PCDHGA1: variants seen among roughly 807,000 people sequenced by gnomAD.
PCDHGA1 encodes protocadherin gamma subfamily A, 1.
In PCDHGA1, 32 loss-of-function variants were observed where a neutral mutation model predicts 58.0. The observed-to-expected ratio is 0.55, with a 90% CI of 0.42 to 0.74. The LOEUF is 0.74. PCDHGA1 is among the 30% of genes least tolerant of loss of function. The pLI is 0.00. For missense variants in PCDHGA1, 1,205 were observed against 1,182.3 expected, an observed-to-expected ratio of 1.02 and a Z score of -0.28; for synonymous variants, 498 against 501.1, an observed-to-expected ratio of 0.99 and a Z score of 0.08.
chr5:141,343,636 G>A (rs1443446238), intron 1 of PCDHGA1, among the ~76,000 whole-genome samples: 1 of 152,202 alleles, frequency 6.6e-6, no homozygotes, highest in Non-Finnish European at 1.5e-5. Context: ...GATAACTTGA[G>A]GTGACACTGT....
intron 1 of PCDHGA1, chr5:141,383,184 C>A: frequency 6.2e-7 from 1 of 1,614,082 alleles, no homozygotes; most frequent in East Asian, 2.2e-5. Context: ...GGGAAGAGAT[C>A]TGCGCTCAGA....
chr5:141,508,045 T>A (rs985875804), intron 3 of PCDHGA1: 1 of 152,264 alleles, frequency 6.6e-6, no homozygotes, highest in Non-Finnish European at 1.5e-5. Flanking sequence ...GCCAGCTGTG[T>A]TCCAGCTAAT....
chr5:141,367,417 G>A (rs1389870101), intron 1 of PCDHGA1: 5 of 152,198 alleles, frequency 3.3e-5, no homozygotes, highest in Non-Finnish European at 7.3e-5. Context: ...GGCGCCTGTA[G>A]TCCCAGCTAC....
chr5:141,498,103 G>C (rs2099781622), intron 2 of PCDHGA1, among the ~76,000 whole-genome samples: 1 of 152,216 alleles, frequency 6.6e-6, no homozygotes. Context: ...GGTGGTGTGG[G>C]CGTATAATAG....
rs1422052114 is a variant in PCDHGA1, at chr5:141,511,168, A to T, written c.2791A>T (p.Lys931Ter). The change falls in exon 4 of 4, where the codon AAG (lysine) becomes TAG (stop). Residue 931 changes from lysine to a stop codon, truncating the protein, a stop_gained. Coordinates refer to ENST00000517417, the MANE Select transcript of PCDHGA1 (RefSeq NM_018912.3). LOFTEE classifies it high-confidence loss of function. ...GAAGAAGTCGGGCAAGAAGGAGAAG[A>T]AGTAACATGGAGGCCAGGCCAAGAG... is the stretch of plus-strand genomic sequence containing the variant. The part of the protein sequence containing the change: ...NKKKSGKKEK[K>*] 1.4e-5 allele frequency: 22 copies of T among 1,614,038 alleles called. No individual in the cohort carries two copies. The highest frequency in any genetic ancestry group is 1.7e-5 in the Non-Finnish European group (20 of 1,180,008).
chr5:141,486,714 C>G lies in PCDHGA1; in HGVS notation c.2422-8093C>G. On this transcript the variant is annotated intron_variant, in intron 1 of 3. Transcript: ENST00000517417. This position sits in a 1 kb window ranked among gnomAD's most constrained non-coding sequence, Gnocchi z 5.0. ...TCTTTCATCTCTCTGAACCCCCAGA[C>G]AGGAGCTGTTCATGCTACTCGATCC... 1.2e-6 allele frequency: 2 copies of G among 1,614,216 alleles called. No individual in the cohort carries two copies. Among genetic ancestry groups the G allele is most frequent in the African/African-American group, 1.3e-5 (1 of 75,062 alleles).
At chr5:141,422,639 C>G (rs777330051) in intron 1 of PCDHGA1, 1 of 1,612,662 alleles carries the variant, frequency 6.2e-7, no homozygotes. Flanking sequence ...AGGGGTGCCT[C>G]CATCTTCTCA....
rs2099613082 is a variant in PCDHGA1, at chr5:141,485,421, C to T, written c.2422-9386C>T. ...TTCCGTGTGGATTTGGACAGCGGAG[C>T]CCTGCTCATCAAGAACCCAATCGAC... On this transcript the variant is annotated intron_variant, in intron 1 of 3. Coordinates refer to ENST00000517417, the MANE Select transcript of PCDHGA1 (RefSeq NM_018912.3). The surrounding 1 kb of genome is among the most constrained non-coding windows in gnomAD (Gnocchi z 5.7). The T allele has an allele frequency of 6.2e-7, 1 of 1,614,112 alleles. No individual in the cohort carries two copies. Among genetic ancestry groups the T allele is most frequent in the Non-Finnish European group, 8.5e-7 (1 of 1,180,010 alleles).
rs755190269 is a variant in PCDHGA1 at position 141,385,225 on chromosome 5, G to A, written c.2421+52120G>A. 9.9e-6 allele frequency: 16 copies of A among 1,614,114 alleles called. No individual in the cohort carries two copies. Among genetic ancestry groups the A allele is most frequent in the Non-Finnish European group, 1.3e-5 (15 of 1,180,054 alleles). On this transcript the variant is annotated intron_variant, in intron 1 of 3. Transcript: ENST00000517417. ...CCTGATCTTCCCCCAGCCCAACTAT[G>A]TAGACATGCTCATCAGCCAGGAGAG...
At chr5:141,503,814 T>C (rs539980053) in intron 2 of PCDHGA1, among the ~76,000 whole-genome samples, 2 of 152,100 alleles carry the variant, frequency 1.3e-5, no homozygotes, top group East Asian at 3.9e-4. Flanking sequence ...GAATCCCAGA[T>C]TGGGCAAAAC....
At chr5:141,395,095 C>G in intron 1 of PCDHGA1, 1 of 1,614,174 alleles carries the variant, frequency 6.2e-7, no homozygotes, top group Non-Finnish European at 8.5e-7. Flanking sequence ...TCCCTCACCG[C>G]CGACTCGCGG....
At chr5:141,478,719 T>C in intron 1 of PCDHGA1, 1 of 1,543,882 alleles carries the variant, frequency 6.5e-7, no homozygotes, top group South Asian at 1.2e-5. Context: ...GATGGTGGCC[T>C]GCCAGAGTGT....
At position 141,476,994 on chromosome 5, in the gene PCDHGA1, A is replaced by T; in HGVS notation, c.2422-17813A>T. 6.2e-7 allele frequency: 1 copy of T among 1,614,260 alleles called. No individual in the cohort carries two copies. The highest frequency in any genetic ancestry group is 2.2e-5 in the East Asian group (1 of 44,884). On this transcript the variant is annotated intron_variant, in intron 1 of 3. Transcript: ENST00000517417. This position sits in a 1 kb window ranked among gnomAD's most constrained non-coding sequence, Gnocchi z 7.6. ...AGCCACAACCGCGCCGGCGTGCGGC[A>T]ACTATTCGCCTTAGACCTTGTAACC...
At chr5:141,394,260 G>C in intron 1 of PCDHGA1, 1 of 1,613,920 alleles carries the variant, frequency 6.2e-7, no homozygotes, top group Non-Finnish European at 8.5e-7. Flanking sequence ...CGACAGCCAG[G>C]AGAATGCCCA....
At position 141,485,968 on chromosome 5, in the gene PCDHGA1, T is replaced by C; in HGVS notation, c.2422-8839T>C. On this transcript the variant is annotated intron_variant, in intron 1 of 3. Coordinates refer to ENST00000517417, the MANE Select transcript of PCDHGA1 (RefSeq NM_018912.3). The surrounding 1 kb of genome is among the most constrained non-coding windows in gnomAD (Gnocchi z 5.7). The stretch of plus-strand genomic sequence containing the variant: ...CGGGCATGGTGCTCATCCAGCTCAA[T>C]GCCTCAGACCCGGACCTGGGTCCCA... 6.2e-7 allele frequency: 1 copy of C among 1,614,216 alleles called. No homozygotes were observed. The highest frequency in any genetic ancestry group is 1.1e-5 in the South Asian group (1 of 91,088).
intron 1 of PCDHGA1, among the ~76,000 whole-genome samples, chr5:141,457,822 C>A (rs1477393535): frequency 6.6e-6 from 1 of 152,178 alleles, no homozygotes; most frequent in Non-Finnish European, 1.5e-5. Context: ...AAGATAAACT[C>A]AGAGCTTCCA....
chr5:141,419,589 C>T (rs1187251820), intron 1 of PCDHGA1: 1 of 1,611,856 alleles, frequency 6.2e-7, no homozygotes, highest in Non-Finnish European at 8.5e-7. Flanking sequence ...CTCTTCGACA[C>T]AGTGCCGCGG....
intron 1 of PCDHGA1, among the ~76,000 whole-genome samples, chr5:141,436,181 T>A (rs1050736907): frequency 1.3e-5 from 2 of 152,092 alleles, no homozygotes; most frequent in African/African-American, 4.8e-5. Context: ...TCATATATAG[T>A]CAAATAGAAA....
chr5:141,485,070 G>A lies in PCDHGA1; in HGVS notation c.2422-9737G>A. On this transcript the variant is annotated intron_variant, in intron 1 of 3. Coordinates refer to ENST00000517417, the MANE Select transcript of PCDHGA1 (RefSeq NM_018912.3). The surrounding 1 kb of genome is among the most constrained non-coding windows in gnomAD (Gnocchi z 5.7). ...CGCCGGCCGAACCGCGCCAGAGCTG[G>A]CGCGGGGAAAGGGAGATAGGTGTCT... is the stretch of plus-strand genomic sequence containing the variant. The A allele has an allele frequency of 1.1e-6, 1 of 908,406 alleles. No individual in the cohort carries two copies. Among genetic ancestry groups the A allele is most frequent in the Non-Finnish European group, 1.7e-6 (1 of 580,008 alleles). 56.3% of individuals were successfully genotyped at this position (908,406 alleles called of 1,614,324 possible). A position where few individuals can be genotyped will look rare whatever the true frequency, so the allele number is the denominator to read the frequency against.
Sources: gnomAD v4.1 joint callset for allele counts (sites outside exome capture counted in the v4.1 genomes callset) on GRCh38, gnomAD v4.1.1 for gene constraint, Gnocchi (gnomAD v3.1) non-coding constraint, MANE v1.5 for transcripts, NCBI Gene and HGNC (gene_info 2026-07-23, HGNC 2026-07-21) for gene names.